LARGE1: variants seen among roughly 807,000 people sequenced by gnomAD.
LARGE1 encodes LARGE xylosyl- and glucuronyltransferase 1, also known as xylosyl- and glucuronyltransferase LARGE1.
LARGE1 carries 43 observed loss-of-function variants against 87.6 expected under a neutral mutation model. The ratio of observed to expected loss-of-function variants is 0.49; its 90% confidence interval spans 0.38 to 0.63. The LOEUF is 0.63. LARGE1 is among the 30% of genes least tolerant of loss of function. The pLI is 0.00. For missense variants in LARGE1, 802 were observed against 1,000.2 expected (o/e 0.80, Z 2.67); for synonymous variants, 434 against 394.6 (o/e 1.10, Z -1.18).
intron 2 of LARGE1, among the ~76,000 whole-genome samples, chr22:33,687,506 TCC>T (rs954512182): frequency 5.9e-5 from 9 of 151,880 alleles, no homozygotes; most frequent in African/African-American, 9.7e-5. Flanking sequence ...CATTAACATA[TCC>T]CCAGGGCTGA....
At chr22:33,348,289 C>CCCAAAAAA (rs1569081859) in intron 9 of LARGE1, among the ~76,000 whole-genome samples, 3 of 124,054 alleles carry the variant, frequency 2.4e-5, no homozygotes, top group Non-Finnish European at 5.1e-5. Flanking sequence ...CACCCCCCCC[C>CCCAAAAAA]AAAAAAAAAG....
chr22:33,392,591 G>T (rs1459664567), intron 7 of LARGE1, among the ~76,000 whole-genome samples: 1 of 152,096 alleles, frequency 6.6e-6, no homozygotes, highest in Non-Finnish European at 1.5e-5. Flanking sequence ...CCTGGGAGGC[G>T]GATGTTGTGG....
the LARGE1 span, among the ~76,000 whole-genome samples, chr22:33,086,130 A>G: frequency 1.3e-5 from 2 of 152,196 alleles, no homozygotes; most frequent in African/African-American, 4.8e-5. Flanking sequence ...TTTTCATAGT[A>G]CTTAGTGAAA....
intron 2 of LARGE1, among the ~76,000 whole-genome samples, chr22:33,678,877 G>A (rs1171526896): frequency 3.9e-5 from 6 of 152,146 alleles, no homozygotes; most frequent in Admixed American, 3.3e-4. Flanking sequence ...TCCCTGATGC[G>A]CATCTAACGA....
At chr22:33,806,670 C>T (rs1224676786) in intron 1 of LARGE1, among the ~76,000 whole-genome samples, 3 of 152,124 alleles carry the variant, frequency 2.0e-5, no homozygotes, top group African/African-American at 7.2e-5. Flanking sequence ...GCAATGATGC[C>T]AGCTGTGCTA....
chr22:33,215,659 TTCC>T (rs1925167155), intron 11 of LARGE1, among the ~76,000 whole-genome samples: 1 of 152,206 alleles, frequency 6.6e-6, no homozygotes, highest in Non-Finnish European at 1.5e-5. Flanking sequence ...CATAGAAATA[TTCC>T]TCGTCTGTTT....
At chr22:33,889,741 G>T (rs2064955046) in intron 1 of LARGE1, among the ~76,000 whole-genome samples, 1 of 152,220 alleles carries the variant, frequency 6.6e-6, no homozygotes, top group East Asian at 1.9e-4. Flanking sequence ...GTCTTAAAGG[G>T]AGAGTGGTCT....
At chr22:33,761,988 G>A (rs548068776) in intron 1 of LARGE1, among the ~76,000 whole-genome samples, 1 of 152,028 alleles carries the variant, frequency 6.6e-6, no homozygotes. Flanking sequence ...AGGCCGAGAC[G>A]AGTGGATAAC....
At chr22:33,680,170 T>C (rs189468045) in intron 2 of LARGE1, among the ~76,000 whole-genome samples, 71 of 152,210 alleles carry the variant, frequency 4.7e-4, no homozygotes, top group Non-Finnish European at 2.6e-4. Context: ...CTGTGAACAC[T>C]GATGAAGGGC....
the LARGE1 span, among the ~76,000 whole-genome samples, chr22:33,098,294 C>A: frequency 6.6e-6 from 1 of 152,028 alleles, no homozygotes; most frequent in Non-Finnish European, 1.5e-5. Flanking sequence ...CAGAGGAAGA[C>A]CCGGTCTCAA....
chr22:33,517,514 T>C (rs1261969302), intron 6 of LARGE1, among the ~76,000 whole-genome samples: 2 of 152,154 alleles, frequency 1.3e-5, no homozygotes, highest in East Asian at 1.9e-4. Flanking sequence ...CCCGAATAGC[T>C]GGGAATACAG....
the LARGE1 span, among the ~76,000 whole-genome samples, chr22:33,154,555 A>G: frequency 6.6e-6 from 1 of 152,186 alleles, no homozygotes; most frequent in Non-Finnish European, 1.5e-5. Flanking sequence ...TATGTTTAAT[A>G]CAGGCAGAAA....
chr22:33,395,569 T>C (rs2065710957), intron 7 of LARGE1, among the ~76,000 whole-genome samples: 1 of 152,186 alleles, frequency 6.6e-6, no homozygotes, highest in African/African-American at 2.4e-5. Flanking sequence ...AAGAGAAGGT[T>C]CTGCCACTAT....
intron 2 of LARGE1, among the ~76,000 whole-genome samples, chr22:33,691,306 C>T (rs1049865631): frequency 6.6e-6 from 1 of 151,686 alleles, no homozygotes; most frequent in Non-Finnish European, 1.5e-5. Flanking sequence ...GAGGCTTACT[C>T]GTCAGGAGAA....
chr22:33,835,703 C>T lies in LARGE1; in HGVS notation c.-82-74145G>A, dbSNP rs569872541. On this transcript the variant is annotated intron_variant, in intron 1 of 14. Coordinates refer to ENST00000397394, the MANE Select transcript of LARGE1 (RefSeq NM_133642.5). ...AGCTCACCTGGCATGGATAAATGTC[C>T]AAATTCCAAGCTTCCTTTTATCATC... Among the ~76,000 whole-genome samples the T allele has an allele frequency of 5.9e-5, 9 of 152,326 alleles. No homozygotes were observed. In the East Asian group the frequency reaches 1.7e-3, roughly 29 times the overall value.
At chr22:33,408,918 C>T (rs1376870981) in intron 7 of LARGE1, among the ~76,000 whole-genome samples, 1 of 152,190 alleles carries the variant, frequency 6.6e-6, no homozygotes, top group East Asian at 1.9e-4. Flanking sequence ...TGACAAGGGC[C>T]GTGTTTTCTA....
At chr22:33,680,821 A>C (rs931117521) in intron 2 of LARGE1, among the ~76,000 whole-genome samples, 15 of 151,172 alleles carry the variant, frequency 9.9e-5, no homozygotes, top group African/African-American at 3.7e-4. Flanking sequence ...AAAAAAAAAA[A>C]CTGAAAAGAT....
intron 3 of LARGE1, among the ~76,000 whole-genome samples, chr22:33,639,030 C>T (rs2080352792): frequency 6.6e-6 from 1 of 152,180 alleles, no homozygotes; most frequent in Non-Finnish European, 1.5e-5. Context: ...GTGACCATTT[C>T]AACTAACAGA....
At chr22:33,894,421 C>G (rs935876510) in intron 1 of LARGE1, among the ~76,000 whole-genome samples, 5 of 152,146 alleles carry the variant, frequency 3.3e-5, no homozygotes, top group Admixed American at 6.5e-5. Flanking sequence ...AGGGTGGCTA[C>G]CCCAGTTGCA....
Sources: gnomAD v4.1 joint callset for allele counts (sites outside exome capture counted in the v4.1 genomes callset) on GRCh38, gnomAD v4.1.1 for gene constraint, MANE v1.5 for transcripts, NCBI Gene and HGNC (gene_info 2026-07-23, HGNC 2026-07-21) for gene names.